TRPM1: variants seen among roughly 807,000 people sequenced by gnomAD.
TRPM1 encodes the protein transient receptor potential cation channel subfamily M member 1, also known as TRPM1-203 APA Isoform, Intron 10.
A neutral mutation model predicts 149.4 loss-of-function variants in TRPM1; 113 were observed. The observed-to-expected ratio is 0.76, with a 90% confidence interval of 0.65 to 0.88. The LOEUF is 0.88. TRPM1 is among the 40% of genes least tolerant of loss of function. The pLI, the probability that TRPM1 is intolerant of heterozygous loss-of-function variation, is 0.00. For synonymous variants in TRPM1, 741 were observed against 759.5 expected (o/e 0.98, Z 0.40); for missense variants, 1,976 against 2,038.7 (o/e 0.97, Z 0.59).
At chr15:31,013,737 GT>G (rs1409962758) in intron 27 of TRPM1, among the ~76,000 whole-genome samples, 1 of 152,084 alleles carries the variant, frequency 6.6e-6, no homozygotes, top group Non-Finnish European at 1.5e-5. Flanking sequence ...TGTAGTTGTT[GT>G]TTGTTGTTTG....
upstream of TRPM1, among the ~76,000 whole-genome samples, chr15:31,104,534 G>T (rs1690407392): frequency 6.6e-6 from 1 of 150,686 alleles, no homozygotes; most frequent in South Asian, 2.1e-4. Flanking sequence ...GGACTTTGGT[G>T]ATGACTGTCT....
At chr15:31,026,043 G>A (rs762937869) in intron 27 of TRPM1, 96 bp downstream of exon 27, 39 of 1,518,084 alleles carry the variant, frequency 2.6e-5, no homozygotes, top group Non-Finnish European at 3.3e-5. Context: ...AACTCGGAGT[G>A]CATGTTTAAA....
In TRPM1 at chr15:31,046,835, T is replaced by C. The variant is rs571180549; in HGVS notation, c.1764+276A>G. Among the ~76,000 whole-genome samples, 108 of 152,208 alleles carry C rather than the reference T, an allele frequency of 7.1e-4. 1 individual carries two copies. The highest frequency in any genetic ancestry group is 2.5e-3 in the African/African-American group (103 of 41,544). On this transcript the variant is annotated intron_variant, in intron 15 of 27. Coordinates refer to ENST00000256552, the MANE Select transcript of TRPM1 (RefSeq NM_001252024.2). ...CAGGTACAGTGGTGGGATAGTAGAA[T>C]AGGCTGGAGCAGGCAGACAGTAGCC...
intron 1 of TRPM1, among the ~76,000 whole-genome samples, chr15:31,159,441 C>T (rs1340331377): frequency 2.0e-5 from 3 of 152,178 alleles, no homozygotes; most frequent in Admixed American, 2.0e-4. Flanking sequence ...CCGGGCTGCA[C>T]GGCCAGTGGC....
Position 31,070,932 on chromosome 15 carries a change from G to A in TRPM1, c.84-706C>T, listed in dbSNP as rs2034521259. ...AATGCTAAAAGGCTATTTCAAAAGT[G>A]ACCAATATGTCTTTTTCTGCCTTGG... On this transcript the variant is annotated intron_variant, in intron 3 of 27. Coordinates refer to ENST00000256552, the MANE Select transcript of TRPM1 (RefSeq NM_001252024.2). Among the ~76,000 whole-genome samples the A allele has an allele frequency of 3.9e-5, 6 of 152,168 alleles. No individual in the cohort carries two copies. The South Asian group carries it at 1.2e-3, about 32-fold the overall frequency.
chr15:31,047,579 C>T (rs1046687810), intron 14 of TRPM1, among the ~76,000 whole-genome samples: 5 of 152,154 alleles, frequency 3.3e-5, no homozygotes, highest in African/African-American at 9.7e-5. Context: ...GGACAGACAG[C>T]GGGGCTCAGG....
At chr15:31,041,723 G>A (rs954137345) in intron 17 of TRPM1, among the ~76,000 whole-genome samples, 1 of 152,188 alleles carries the variant, frequency 6.6e-6, no homozygotes, top group African/African-American at 2.4e-5. Context: ...AAAAAATTGT[G>A]TTTCAATTTT....
rs34605638 is a variant in TRPM1, at chr15:31,126,618, A to AT, written c.54+34287dup. Among the ~76,000 whole-genome samples, 6 of 152,132 alleles carry AT rather than the reference A, an allele frequency of 3.9e-5. No homozygotes were observed. The South Asian group carries it at 1.0e-3, about 26-fold the overall frequency. ...TGTAGGCTGGGTGAGTTGCCAGAAG[A>AT]TTTTTTTTATTAGGCATTTGAGAAA... On this transcript the variant is annotated intron_variant, in intron 1 of 26. Coordinates refer to the TRPM1 transcript ENST00000542188.
chr15:31,093,593 T>C (rs568452458), intron 1 of TRPM1, among the ~76,000 whole-genome samples: 1 of 145,456 alleles, frequency 6.9e-6, no homozygotes, highest in Admixed American at 6.7e-5. Context: ...CAGAGCAATC[T>C]GGTTTTTTTT....
At chr15:31,104,928 C>T (rs2035583141), upstream of TRPM1, among the ~76,000 whole-genome samples, 1 of 152,084 alleles carries the variant, frequency 6.6e-6, no homozygotes, top group African/African-American at 2.4e-5. Context: ...GTCGACTCTT[C>T]TTTATTTGTT....
At chr15:31,081,518 C>G in intron 1 of TRPM1, 80 bp from the exon 2 acceptor site, 1 of 925,298 alleles carries the variant, frequency 1.1e-6, no homozygotes, top group Middle Eastern at 2.9e-4. Context: ...AAATCCTGCC[C>G]TCCCTTTGTT....
In TRPM1 at chr15:31,030,976, C is replaced by T. The variant is rs2140908881; in HGVS notation, c.3127+7G>A. 2 of 1,614,158 alleles carry T rather than the reference C, an allele frequency of 1.2e-6. No individual in the cohort carries two copies. The highest frequency in any genetic ancestry group is 1.3e-5 in the African/African-American group (1 of 75,036). ...GAAGAGAATCTTACTATGAATTCTA[C>T]TCTTACGGTCTATCTGGTCTGCAAA... On this transcript the variant is annotated splice_region_variant and intron_variant, in intron 23 of 27. Coordinates refer to ENST00000256552, the MANE Select transcript of TRPM1 (RefSeq NM_001252024.2).
At chr15:31,158,143 T>C (rs2036400732) in intron 1 of TRPM1, among the ~76,000 whole-genome samples, 1 of 152,144 alleles carries the variant, frequency 6.6e-6, no homozygotes, top group Non-Finnish European at 1.5e-5. Flanking sequence ...AGTGAGGGCT[T>C]TTATAAATAG....
intron 1 of TRPM1, among the ~76,000 whole-genome samples, chr15:31,137,287 T>C (rs1284879984): frequency 6.6e-6 from 1 of 152,210 alleles, no homozygotes; most frequent in African/African-American, 2.4e-5. Context: ...GGCTCTGAGA[T>C]ACCCAAGAGC....
intron 1 of TRPM1, among the ~76,000 whole-genome samples, chr15:31,140,369 A>G (rs2036145668): frequency 6.8e-6 from 1 of 147,938 alleles, no homozygotes; most frequent in African/African-American, 2.6e-5. Context: ...ACAGAGAGAG[A>G]ATCCGTCTAA....
At chr15:31,042,393 T>A in intron 16 of TRPM1, 150 bp from the exon 17 acceptor site, 1 of 802,566 alleles carries the variant, frequency 1.2e-6, no homozygotes, top group East Asian at 2.7e-5. Context: ...ATATGAATTC[T>A]TTTGAAAAGA....
chr15:31,042,102 G>A lies in TRPM1; in HGVS notation c.1936C>T (p.Arg646Cys), dbSNP rs387906862. The A allele has an allele frequency of 2.5e-5, 41 of 1,614,158 alleles. No individual in the cohort carries two copies. The highest frequency in any genetic ancestry group is 2.3e-4 in the South Asian group (21 of 91,090). ...ELMVWAVLMK[R>C]QKMAVFLWQR... The stretch of plus-strand genomic sequence containing the variant: ...CAGAGGAACACTGCCATTTTCTGGC[G>A]TTTCATCAGCACTGCCCACACCATC... The change falls in exon 17 of 28, where the codon CGC becomes TGC. Residue 646 changes from arginine (R) to cysteine (C), a missense_variant. Transcript: ENST00000256552.
intron 1 of TRPM1, among the ~76,000 whole-genome samples, chr15:31,082,639 G>C (rs1400274867): frequency 1.3e-5 from 2 of 152,226 alleles, no homozygotes; most frequent in African/African-American, 4.8e-5. Flanking sequence ...CGGGAAGAAA[G>C]TCCAAGAGGA....
chr15:31,157,913 C>T (rs1325580223), intron 1 of TRPM1, among the ~76,000 whole-genome samples: 1 of 152,090 alleles, frequency 6.6e-6, no homozygotes, highest in African/African-American at 2.4e-5. Context: ...TGTGTTTCAA[C>T]AAACACGGTG....
Sources: allele counts gnomAD v4.1 joint callset (sites outside exome capture counted in the v4.1 genomes callset), GRCh38; gene constraint gnomAD v4.1.1; transcripts MANE v1.5; gene names NCBI Gene and HGNC (gene_info 2026-07-23, HGNC 2026-07-21).